The following KCNAB1 variants were observed in gnomAD, a reference collection of about 807,000 sequenced individuals.
KCNAB1 encodes potassium voltage-gated channel subfamily A regulatory beta subunit 1, also known as voltage-gated potassium channel subunit beta-1.
Under a neutral mutation model 64.6 loss-of-function variants are expected in KCNAB1, and 35 were observed. The observed-to-expected ratio is 0.54, with a 90% confidence interval of 0.41 to 0.72. KCNAB1 has a LOEUF of 0.72. KCNAB1 is among the 30% of genes least tolerant of loss of function. KCNAB1 has a pLI of 0.00. For missense variants in KCNAB1, 401 were observed against 512.9 expected (o/e 0.78, Z 2.11); for synonymous variants, 177 against 183.8 (o/e 0.96, Z 0.30).
At chr3:156,423,983 T>C (rs1335514009) in intron 2 of KCNAB1, among the ~76,000 whole-genome samples, 1 of 152,110 alleles carries the variant, frequency 6.6e-6, no homozygotes, top group African/African-American at 2.4e-5. Context: ...ACATTTGAAA[T>C]TGGGGTTACA....
chr3:156,334,795 G>T (rs1381063219), intron 1 of KCNAB1, among the ~76,000 whole-genome samples: 1 of 151,956 alleles, frequency 6.6e-6, no homozygotes, highest in Non-Finnish European at 1.5e-5. Flanking sequence ...CACTCTTCTG[G>T]TATCTGGGAC....
chr3:156,389,957 A>G (rs58826209), intron 1 of KCNAB1, among the ~76,000 whole-genome samples: 3,569 of 149,664 alleles, frequency 0.024, 143 homozygotes, highest in African/African-American at 0.085. Flanking sequence ...CAGAGACCAT[A>G]TGTCTTGCAA....
At chr3:156,432,491 A>G (rs915060325) in intron 2 of KCNAB1, among the ~76,000 whole-genome samples, 2 of 152,222 alleles carry the variant, frequency 1.3e-5, no homozygotes, top group Admixed American at 6.5e-5. Context: ...ATCAATACTC[A>G]TTTCATATCT....
At chr3:156,253,291 A>G (rs1717933444) in intron 1 of KCNAB1, among the ~76,000 whole-genome samples, 1 of 152,190 alleles carries the variant, frequency 6.6e-6, no homozygotes, top group Non-Finnish European at 1.5e-5. Flanking sequence ...CTTCCTCTCA[A>G]GACACTGAAC....
chr3:156,198,912 G>GA (rs1714139090), intron 1 of KCNAB1, among the ~76,000 whole-genome samples: 1 of 38,972 alleles, frequency 2.6e-5, no homozygotes, highest in Admixed American at 2.1e-4. Flanking sequence ...TTTATATTTT[G>GA]ATTTTTTTTT....
intron 1 of KCNAB1, among the ~76,000 whole-genome samples, chr3:156,134,131 C>A (rs1282664509): frequency 6.6e-6 from 1 of 152,180 alleles, no homozygotes; most frequent in Admixed American, 6.5e-5. Flanking sequence ...CCTGAAGAAA[C>A]AACTTGACAA....
At chr3:156,406,286 A>G (rs987493450) in intron 1 of KCNAB1, among the ~76,000 whole-genome samples, 26 of 152,332 alleles carry the variant, frequency 1.7e-4, no homozygotes, top group African/African-American at 6.3e-4. Flanking sequence ...AAGTAAATGC[A>G]GCTCTTATGA....
chr3:156,281,836 TCTA>T (rs1719746400), intron 1 of KCNAB1, among the ~76,000 whole-genome samples: 2 of 149,834 alleles, frequency 1.3e-5, no homozygotes, highest in African/African-American at 4.9e-5. Context: ...TTTTATTGCG[TCTA>T]TTTGATTCTT....
intron 1 of KCNAB1, among the ~76,000 whole-genome samples, chr3:156,338,850 C>T (rs1723910092): frequency 6.6e-6 from 1 of 152,180 alleles, no homozygotes; most frequent in Non-Finnish European, 1.5e-5. Context: ...TCCCTTGGCA[C>T]CTCATGGGGC....
intron 1 of KCNAB1, among the ~76,000 whole-genome samples, chr3:156,326,659 C>T (rs540188833): frequency 1.3e-5 from 2 of 152,254 alleles, no homozygotes; most frequent in East Asian, 3.9e-4. Context: ...GCAGCATGCT[C>T]CTGCCTGAGG....
Position 156,536,655 on chromosome 3 carries a change from C to G in KCNAB1, c.1171-3C>G. On this transcript the variant is annotated splice_polypyrimidine_tract_variant and splice_region_variant and intron_variant, in intron 13 of 13. Coordinates refer to ENST00000490337, the MANE Select transcript of KCNAB1 (RefSeq NM_172160.3). Reference sequence around the variant, plus strand: ...TCCTTTGTACTTCTCCTCCTGCTCTCAGGTTCTCCCAAAGATGACATCACA... The same window carrying G: ...TCCTTTGTACTTCTCCTCCTGCTCTGAGGTTCTCCCAAAGATGACATCACA... 1 of 1,602,416 alleles carries G rather than the reference C, an allele frequency of 6.2e-7. No homozygotes were observed. Among genetic ancestry groups the G allele is most frequent in the South Asian group, 1.1e-5 (1 of 90,830 alleles).
chr3:156,387,326 G>C (rs942491749), intron 1 of KCNAB1, among the ~76,000 whole-genome samples: 19 of 152,164 alleles, frequency 1.2e-4, no homozygotes, highest in Admixed American at 1.3e-4. Flanking sequence ...GAGCTGGACA[G>C]AGAGACAAGC....
chr3:156,429,902 A>G (rs771657009), intron 2 of KCNAB1, among the ~76,000 whole-genome samples: 2 of 152,226 alleles, frequency 1.3e-5, no homozygotes, highest in Admixed American at 6.5e-5. Flanking sequence ...TAAATGGTGT[A>G]TGAATATTAA....
intron 1 of KCNAB1, among the ~76,000 whole-genome samples, chr3:156,131,773 T>A (rs1714010531): frequency 6.6e-6 from 1 of 152,328 alleles, no homozygotes; most frequent in Admixed American, 6.5e-5. Context: ...TTCTTACTTA[T>A]GCAAGTCCGA....
intron 2 of KCNAB1, among the ~76,000 whole-genome samples, chr3:156,443,779 C>CACACACA (rs1210068297): frequency 3.0e-4 from 43 of 145,438 alleles, no homozygotes; most frequent in East Asian, 1.0e-3. Context: ...CACACACACA[C>CACACACA]ACTATTCTTT....
intron 1 of KCNAB1, among the ~76,000 whole-genome samples, chr3:156,342,585 CTTTTTTTTTTTTTTTTTTTTTTAAT>C (rs1212135685): frequency 5.8e-5 from 5 of 86,268 alleles, no homozygotes; most frequent in East Asian, 3.9e-4. Flanking sequence ...CTATGTGTTT[CTTTTTTTTTTTTTTTTTTTTTTAAT>C]TTTTTTTTTT....
intron 1 of KCNAB1, among the ~76,000 whole-genome samples, chr3:156,338,303 C>CTTTTTCTTTTTTTTTTTT (rs1723860654): frequency 2.5e-5 from 1 of 39,488 alleles, no homozygotes; most frequent in Non-Finnish European, 4.8e-5. Context: ...GGCATTTGCA[C>CTTTTTCTTTTTTTTTTTT]TTTTTTTTTT....
At chr3:156,203,829 T>C (rs1430320744) in intron 1 of KCNAB1, among the ~76,000 whole-genome samples, 1 of 152,276 alleles carries the variant, frequency 6.6e-6, no homozygotes, top group African/African-American at 2.4e-5. Context: ...TAATATTTTC[T>C]AAAGTTTACT....
At chr3:156,133,141 T>C (rs1430406074) in intron 1 of KCNAB1, among the ~76,000 whole-genome samples, 1 of 152,250 alleles carries the variant, frequency 6.6e-6, no homozygotes, top group Non-Finnish European at 1.5e-5. Context: ...CAAAGGGCTG[T>C]TGAATTATTT....
Sources: gnomAD v4.1 joint callset for allele counts (sites outside exome capture counted in the v4.1 genomes callset) on GRCh38, gnomAD v4.1.1 for gene constraint, MANE v1.5 for transcripts, NCBI Gene and HGNC (gene_info 2026-07-23, HGNC 2026-07-21) for gene names.